Variants in ZNF385D observed in about 807,000 individuals in gnomAD.
ZNF385D encodes the protein zinc finger protein 659.
In ZNF385D, 15 loss-of-function variants were observed where a neutral mutation model predicts 35.8. The ratio of observed to expected loss-of-function variants is 0.42; its 90% CI spans 0.28 to 0.64. The LOEUF (loss-of-function observed/expected upper bound fraction) is 0.64. Ranked by LOEUF, ZNF385D falls within the 30% of genes least tolerant of loss-of-function variation. The pLI is 0.23. For synonymous variants in ZNF385D, 212 were observed against 186.8 expected, an observed-to-expected ratio of 1.13 and a Z score of -1.10; for missense variants, 474 against 494.6, an observed-to-expected ratio of 0.96 and a Z score of 0.39.
At chr3:21,602,059 A>G (rs1416475457) in intron 2 of ZNF385D, among the ~76,000 whole-genome samples, 2 of 152,208 alleles carry the variant, frequency 1.3e-5, no homozygotes, top group Non-Finnish European at 2.9e-5. Context: ...AGGCCTCACA[A>G]TCATGGCTGA....
chr3:22,246,856 T>C (rs1411010055), intron 2 of ZNF385D, among the ~76,000 whole-genome samples: 1 of 152,170 alleles, frequency 6.6e-6, no homozygotes, highest in African/African-American at 2.4e-5. Flanking sequence ...TGATTCTAAT[T>C]ACCAAGTTTA....
At chr3:21,876,454 T>A in intron 3 of ZNF385D, among the ~76,000 whole-genome samples, 1 of 151,218 alleles carries the variant, frequency 6.6e-6, no homozygotes, top group Non-Finnish European at 1.5e-5. Context: ...TTCAAGAAAA[T>A]GAAAAATTAT....
intron 1 of ZNF385D, among the ~76,000 whole-genome samples, chr3:21,715,645 A>T (rs2068288600): frequency 6.6e-6 from 1 of 151,966 alleles, no homozygotes; most frequent in Non-Finnish European, 1.5e-5. Flanking sequence ...ATTGAATGGT[A>T]GTTCTAGTTT....
chr3:21,582,297 C>T (rs1420678184), intron 2 of ZNF385D, among the ~76,000 whole-genome samples: 1 of 152,132 alleles, frequency 6.6e-6, no homozygotes, highest in Non-Finnish European at 1.5e-5. Context: ...GAAATGCATA[C>T]ACATTAAATA....
intron 3 of ZNF385D, among the ~76,000 whole-genome samples, chr3:22,036,490 T>G (rs940153644): frequency 6.6e-6 from 1 of 151,780 alleles, no homozygotes; most frequent in Admixed American, 6.6e-5. Flanking sequence ...AAGGAAATAG[T>G]GGAAAATACT....
chr3:22,047,013 T>C (rs535349221), intron 3 of ZNF385D, among the ~76,000 whole-genome samples: 5 of 152,230 alleles, frequency 3.3e-5, no homozygotes, highest in African/African-American at 1.2e-4. Context: ...AATTTTCAGG[T>C]GGCCAATAAT....
At chr3:21,613,543 C>G (rs1413026690) in intron 2 of ZNF385D, among the ~76,000 whole-genome samples, 1 of 152,152 alleles carries the variant, frequency 6.6e-6, no homozygotes, top group Non-Finnish European at 1.5e-5. Context: ...TTACTGACAG[C>G]ATACAAAAGG....
intron 3 of ZNF385D, among the ~76,000 whole-genome samples, chr3:22,058,275 A>T (rs928861195): frequency 6.6e-6 from 1 of 152,252 alleles, no homozygotes; most frequent in Non-Finnish European, 1.5e-5. Context: ...ATGTTGCTTA[A>T]TTGAAGAATA....
At chr3:21,678,515 G>C (rs6763632) in intron 1 of ZNF385D, among the ~76,000 whole-genome samples, 1 of 151,880 alleles carries the variant, frequency 6.6e-6, no homozygotes, top group African/African-American at 2.4e-5. Context: ...TGTAGAAAAC[G>C]CAACAACAAA....
chr3:21,453,374 G>A (rs1451278878), intron 4 of ZNF385D, among the ~76,000 whole-genome samples: 2 of 151,896 alleles, frequency 1.3e-5, no homozygotes, highest in Non-Finnish European at 1.5e-5. Context: ...AAGTTGAACT[G>A]CATCAAAATT....
chr3:22,139,616 G>T (rs1048257840), intron 3 of ZNF385D, among the ~76,000 whole-genome samples: 6 of 151,924 alleles, frequency 3.9e-5, no homozygotes, highest in African/African-American at 1.4e-4. Context: ...GGCCTGTTGT[G>T]GGGTGGGGGG....
chr3:22,336,223 C>G (rs1323319975), intron 2 of ZNF385D, among the ~76,000 whole-genome samples: 1 of 152,036 alleles, frequency 6.6e-6, no homozygotes, highest in Non-Finnish European at 1.5e-5. Flanking sequence ...AAATTTTAAA[C>G]AAAGCCGCAT....
At chr3:22,269,572 CT>C (rs1701069440) in intron 2 of ZNF385D, among the ~76,000 whole-genome samples, 2 of 151,840 alleles carry the variant, frequency 1.3e-5, no homozygotes, top group South Asian at 4.1e-4. Context: ...GGAGAGAGCA[CT>C]GGCAGTTTGG....
At chr3:21,875,021 T>G (rs1322701859) in intron 3 of ZNF385D, among the ~76,000 whole-genome samples, 1 of 152,036 alleles carries the variant, frequency 6.6e-6, no homozygotes, top group Non-Finnish European at 1.5e-5. Context: ...AAAATGGGAT[T>G]ATTTTCTTAA....
chr3:21,478,146 A>G (rs1032619350), intron 4 of ZNF385D, among the ~76,000 whole-genome samples: 1 of 152,200 alleles, frequency 6.6e-6, no homozygotes, highest in East Asian at 1.9e-4. Context: ...TGACTATAGT[A>G]TTCATAACTT....
chr3:22,336,315 G>T (rs1334646250), intron 2 of ZNF385D, among the ~76,000 whole-genome samples: 1 of 152,092 alleles, frequency 6.6e-6, no homozygotes, highest in Admixed American at 6.5e-5. Context: ...AAATACTATT[G>T]CAACTTGTAC....
intron 2 of ZNF385D, among the ~76,000 whole-genome samples, chr3:22,212,840 T>C: frequency 6.6e-6 from 1 of 152,118 alleles, no homozygotes; most frequent in South Asian, 2.1e-4. Context: ...ATGGCCTTTC[T>C]GAGAAGAAAT....
chr3:22,301,064 G>C (rs990439896), intron 2 of ZNF385D, among the ~76,000 whole-genome samples: 1 of 151,942 alleles, frequency 6.6e-6, no homozygotes, highest in East Asian at 1.9e-4. Context: ...TAAAGAAAAC[G>C]TGTTCTACAT....
intron 3 of ZNF385D, chr3:21,511,829 T>A (rs1707235987): frequency 6.6e-6 from 3 of 455,422 alleles, no homozygotes; most frequent in South Asian, 4.7e-5. Flanking sequence ...GAGCATTTTT[T>A]TTTTTTGTGG....
Sources: allele counts gnomAD v4.1 joint callset (sites outside exome capture counted in the v4.1 genomes callset), GRCh38; gene constraint gnomAD v4.1.1; transcripts MANE v1.5; gene names NCBI Gene and HGNC (gene_info 2026-07-23, HGNC 2026-07-21).